TBC1D9: variants seen among roughly 807,000 people sequenced by gnomAD.
The protein encoded by TBC1D9 is TBC1 domain family member 9, also known as TBC1 domain family member 9A.
A neutral mutation model predicts 132.0 loss-of-function variants in TBC1D9; 63 were observed. The ratio of observed to expected loss-of-function variants is 0.48; its 90% CI spans 0.39 to 0.59. The LOEUF is 0.59. Among genes scored for constraint, TBC1D9 ranks in the 20% least tolerant of loss-of-function variants. The pLI, the probability that TBC1D9 is intolerant of heterozygous loss-of-function variation, is 0.00. For synonymous variants in TBC1D9, 610 were observed against 609.9 expected (o/e 1.00, Z 0.00); for missense variants, 1,261 against 1,592.7 (o/e 0.79, Z 3.54).
chr4:140,725,974 CT>C (rs1738495984), intron 1 of TBC1D9, among the ~76,000 whole-genome samples: 1 of 152,092 alleles, frequency 6.6e-6, no homozygotes, highest in Non-Finnish European at 1.5e-5. Context: ...TTACTCAAAA[CT>C]TTAAAAAATT....
chr4:140,727,098 T>A (rs1023681461), intron 1 of TBC1D9, among the ~76,000 whole-genome samples: 1 of 152,136 alleles, frequency 6.6e-6, no homozygotes, highest in Non-Finnish European at 1.5e-5. Flanking sequence ...AATGAAAATA[T>A]CAAATTTAAA....
chr4:140,702,466 G>A (rs1738087232), intron 1 of TBC1D9, among the ~76,000 whole-genome samples: 2 of 152,238 alleles, frequency 1.3e-5, no homozygotes, highest in Non-Finnish European at 2.9e-5. Flanking sequence ...GAGCAAAGGT[G>A]GAAGGTGCCT....
At chr4:140,746,862 A>C in intron 1 of TBC1D9, among the ~76,000 whole-genome samples, 1 of 152,152 alleles carries the variant, frequency 6.6e-6, no homozygotes, top group East Asian at 1.9e-4. Context: ...AAAGCATATC[A>C]GTCTTGTAAA....
intron 1 of TBC1D9, among the ~76,000 whole-genome samples, chr4:140,703,507 C>T (rs1179330780): frequency 1.3e-5 from 2 of 152,084 alleles, no homozygotes; most frequent in Non-Finnish European, 2.9e-5. Flanking sequence ...TGGGACAGGC[C>T]ATTTAACTTC....
intron 2 of TBC1D9, among the ~76,000 whole-genome samples, chr4:140,700,055 G>A (rs1246463022): frequency 6.6e-6 from 1 of 152,056 alleles, no homozygotes; most frequent in African/African-American, 2.4e-5. Flanking sequence ...CCTTTACTTT[G>A]GGAAGCCAAA....
chr4:140,699,502 C>T (rs1016792915), intron 2 of TBC1D9, among the ~76,000 whole-genome samples: 2 of 152,166 alleles, frequency 1.3e-5, no homozygotes, highest in Non-Finnish European at 2.9e-5. Flanking sequence ...GGCCCTTTAT[C>T]TCTGTGATCT....
At chr4:140,670,970 A>G (rs1578833722) in intron 6 of TBC1D9, 44 bp from the exon 7 acceptor site, 3 of 1,552,802 alleles carry the variant, frequency 1.9e-6, no homozygotes, top group Admixed American at 1.7e-5. Context: ...TCCAAGAATT[A>G]CCCAATAGCA....
chr4:140,651,606 G>A (rs1737188365), intron 13 of TBC1D9, among the ~76,000 whole-genome samples: 1 of 152,148 alleles, frequency 6.6e-6, no homozygotes, highest in Non-Finnish European at 1.5e-5. Context: ...CAAAGCTATG[G>A]ATTAGCAAAA....
rs1183522651 is a variant in TBC1D9, at chr4:140,627,483, T to C, written c.2857A>G (p.Thr953Ala). Residue 953 changes from threonine to alanine, a missense_variant, in exon 18 of 21, where the codon ACT (threonine) becomes GCT (alanine). Transcript: ENST00000442267. ...QDEPDSAFEA[T>A]QYFFEDITPE... ...GTAATATCTTCAAAGAAGTACTGAGTTGCTTCAAAAGCAGAATCTGGTTCA... is the reference window on the plus strand; with the variant it reads ...GTAATATCTTCAAAGAAGTACTGAGCTGCTTCAAAAGCAGAATCTGGTTCA... 6.2e-7 allele frequency: 1 copy of C among 1,611,484 alleles called. No homozygotes were observed. Among genetic ancestry groups the C allele is most frequent in the Admixed American group, 1.7e-5 (1 of 59,776 alleles).
intron 1 of TBC1D9, among the ~76,000 whole-genome samples, chr4:140,712,449 A>AATATGCATATATATAT (rs1738259118): frequency 9.7e-6 from 1 of 102,706 alleles, no homozygotes; most frequent in South Asian, 3.3e-4. Context: ...AAAAAAAAAG[A>AATATGCATATATATAT]ATATATATAT....
At chr4:140,657,054 G>C (rs533954141) in intron 13 of TBC1D9, 43 bp downstream of exon 13, 2 of 1,601,776 alleles carry the variant, frequency 1.2e-6, no homozygotes, top group East Asian at 4.5e-5. Flanking sequence ...TGGAAGTGTC[G>C]AATGCATGGT....
At chr4:140,671,824 TTTCTC>T (rs2111010909) in intron 6 of TBC1D9, among the ~76,000 whole-genome samples, 1 of 152,166 alleles carries the variant, frequency 6.6e-6, no homozygotes, top group African/African-American at 2.4e-5. Context: ...CATTAAAACT[TTTCTC>T]TTTAGCACAT....
At chr4:140,719,115 A>AAAAT (rs200581012) in intron 1 of TBC1D9, among the ~76,000 whole-genome samples, 12,546 of 141,284 alleles carry the variant, frequency 0.089, 681 homozygotes, top group African/African-American at 0.13. Flanking sequence ...ACTCCATCTC[A>AAAAT]AAATAAATAA....
intron 1 of TBC1D9, among the ~76,000 whole-genome samples, chr4:140,728,226 A>C (rs1738529460): frequency 6.6e-6 from 1 of 152,190 alleles, no homozygotes; most frequent in Admixed American, 6.5e-5. Context: ...CACCAAATGC[A>C]ATGCACACAG....
chr4:140,737,078 G>T (rs749080684), intron 1 of TBC1D9, among the ~76,000 whole-genome samples: 7 of 152,194 alleles, frequency 4.6e-5, no homozygotes, highest in Non-Finnish European at 8.8e-5. Context: ...TTAGATTCTC[G>T]TAAGGAGCCC....
At chr4:140,728,506 T>G (rs11727686) in intron 1 of TBC1D9, among the ~76,000 whole-genome samples, 2 of 151,858 alleles carry the variant, frequency 1.3e-5, no homozygotes, top group Non-Finnish European at 2.9e-5. Context: ...GTTTGTTTTG[T>G]TTTTTTTGAG....
chr4:140,642,998 T>C, intron 13 of TBC1D9: 1 of 737,454 alleles, frequency 1.4e-6, no homozygotes, highest in South Asian at 1.8e-5. Context: ...TGAAGTCCAG[T>C]TCCAGGACGT....
In TBC1D9 at chr4:140,644,801, G is replaced by A. The variant is rs6842020; in HGVS notation, c.2338-5373C>T. ...GGGCAAAGGGGCAGCACGGTGGCCC[G>A]CTCCATCAGCTCCGCAAAGTGAGGC... On this transcript the variant is annotated intron_variant, in intron 13 of 20. Coordinates refer to ENST00000442267, the MANE Select transcript of TBC1D9 (RefSeq NM_015130.3). The A allele has an allele frequency of 2.8e-3, 1,129 of 405,542 alleles. 17 individuals are homozygous for A. The highest frequency in any genetic ancestry group is 0.022 in the African/African-American group (1,021 of 47,446). The allele number at this position is 405,542 out of a possible 1,614,324, so 25.1% of individuals were successfully genotyped here.
chr4:140,666,573 C>T (rs1452139463), intron 9 of TBC1D9, among the ~76,000 whole-genome samples: 1 of 151,804 alleles, frequency 6.6e-6, no homozygotes, highest in Admixed American at 6.6e-5. Context: ...CTCCTGACCT[C>T]GTGATCCGCC....
Sources: allele counts gnomAD v4.1 joint callset (sites outside exome capture counted in the v4.1 genomes callset), GRCh38; gene constraint gnomAD v4.1.1; transcripts MANE v1.5; gene names NCBI Gene and HGNC (gene_info 2026-07-23, HGNC 2026-07-21).